The following CBFA2T2 variants were observed in gnomAD, a reference collection of about 807,000 sequenced individuals.
CBFA2T2 encodes the protein protein CBFA2T2.
A neutral mutation model predicts 62.2 loss-of-function variants in CBFA2T2; 11 were observed. The ratio of observed to expected loss-of-function variants is 0.18; its 90% CI spans 0.11 to 0.29. The LOEUF (loss-of-function observed/expected upper bound fraction) is 0.29. Among genes scored for constraint, CBFA2T2 ranks in the 10% least tolerant of loss-of-function variants. The pLI, the probability that CBFA2T2 is intolerant of heterozygous loss-of-function variation, is 1.00. For synonymous variants in CBFA2T2, 295 were observed against 287.5 expected (o/e 1.03, Z -0.27); for missense variants, 592 against 774.1 (o/e 0.76, Z 2.79).
At chr20:33,550,914 C>T (rs776475976) in intron 1 of CBFA2T2, among the ~76,000 whole-genome samples, 2 of 152,096 alleles carry the variant, frequency 1.3e-5, no homozygotes, top group East Asian at 1.9e-4. Flanking sequence ...TGAGCCACCA[C>T]GCTTGGCCTT....
intron 6 of CBFA2T2, among the ~76,000 whole-genome samples, chr20:33,628,022 T>C (rs1047833156): frequency 3.9e-5 from 6 of 152,260 alleles, no homozygotes; most frequent in Admixed American, 6.5e-5. Context: ...CACATCCTTG[T>C]CAACACTTAG....
rs150915600 is a variant in CBFA2T2 at position 33,606,847 on chromosome 20, C to T, written c.35-109C>T. 9.8e-5 allele frequency: 98 copies of T among 998,538 alleles called. No individual in the cohort carries two copies. The African/African-American group carries it at 1.3e-3, about 13-fold the overall frequency. The allele number at this position is 998,538 out of a possible 1,614,324, so 61.9% of individuals were successfully genotyped here. On this transcript the variant is annotated intron_variant, in intron 1 of 10. Coordinates refer to ENST00000342704, the MANE Select transcript of CBFA2T2 (RefSeq NM_001032999.3). The stretch of plus-strand genomic sequence containing the variant: ...TATCTTTTAGGGGGTCACTATTCAG[C>T]CTATTATACCAAGCAGTCCTCTAGG...
chr20:33,621,902 T>C (rs1241351460), intron 4 of CBFA2T2, among the ~76,000 whole-genome samples: 1 of 152,238 alleles, frequency 6.6e-6, no homozygotes. Context: ...GAAACAGCTG[T>C]GCTGGTTCTA....
intron 1 of CBFA2T2, among the ~76,000 whole-genome samples, chr20:33,544,429 A>G (rs1446849078): frequency 6.6e-6 from 1 of 152,028 alleles, no homozygotes; most frequent in African/African-American, 2.4e-5. Flanking sequence ...TTACCAGCTT[A>G]TTACCTTCTG....
intron 1 of CBFA2T2, among the ~76,000 whole-genome samples, chr20:33,493,078 T>TG: frequency 7.0e-6 from 1 of 143,720 alleles, no homozygotes; most frequent in Admixed American, 6.9e-5. Context: ...GTTTTTTTTT[T>TG]TTTTTTTTTT....
intron 1 of CBFA2T2, among the ~76,000 whole-genome samples, chr20:33,603,540 AAC>A (rs1285637227): frequency 6.6e-6 from 1 of 152,230 alleles, no homozygotes; most frequent in Non-Finnish European, 1.5e-5. Flanking sequence ...GAATAATCAA[AAC>A]ACAAACTCAT....
intron 1 of CBFA2T2, among the ~76,000 whole-genome samples, chr20:33,596,551 T>A (rs2014899203): frequency 6.6e-6 from 1 of 152,214 alleles, no homozygotes; most frequent in Non-Finnish European, 1.5e-5. Flanking sequence ...TCCTTGGCTT[T>A]TCTTTTTCAG....
chr20:33,628,470 T>C, intron 7 of CBFA2T2, 35 bp downstream of exon 7: 1 of 1,440,578 alleles, frequency 6.9e-7, no homozygotes, highest in Non-Finnish European at 9.8e-7. Context: ...TCCCTAACTC[T>C]TTATTACTTT....
At chr20:33,528,146 A>G (rs1391102504) in intron 1 of CBFA2T2, among the ~76,000 whole-genome samples, 1 of 152,178 alleles carries the variant, frequency 6.6e-6, no homozygotes, top group African/African-American at 2.4e-5. Flanking sequence ...CTGGGATTAC[A>G]GGCTCTTGCC....
intron 1 of CBFA2T2, among the ~76,000 whole-genome samples, chr20:33,518,735 G>A (rs1283097090): frequency 6.6e-6 from 1 of 150,860 alleles, no homozygotes; most frequent in Non-Finnish European, 1.5e-5. Flanking sequence ...ACACGCCATT[G>A]CAGTCCAGCC....
chr20:33,548,101 C>G (rs889468819), intron 1 of CBFA2T2, among the ~76,000 whole-genome samples: 3 of 151,518 alleles, frequency 2.0e-5, no homozygotes, highest in African/African-American at 4.8e-5. Context: ...AGAAATAATT[C>G]CAGTATATAA....
chr20:33,557,178 CT>C (rs1300865605), intron 1 of CBFA2T2, among the ~76,000 whole-genome samples: 1 of 151,900 alleles, frequency 6.6e-6, no homozygotes, highest in Non-Finnish European at 1.5e-5. Context: ...CCACGCCTGG[CT>C]AATTTTTGTA....
chr20:33,520,822 C>T (rs780659064), intron 1 of CBFA2T2, among the ~76,000 whole-genome samples: 11 of 151,842 alleles, frequency 7.2e-5, no homozygotes, highest in Non-Finnish European at 4.4e-5. Context: ...CAAACTAACT[C>T]GTGGACTATG....
chr20:33,613,139 C>G (rs897237304), intron 3 of CBFA2T2, among the ~76,000 whole-genome samples: 10 of 152,170 alleles, frequency 6.6e-5, no homozygotes, highest in Non-Finnish European at 1.3e-4. Flanking sequence ...AGGCAAAATG[C>G]AATATATGAC....
intron 1 of CBFA2T2, among the ~76,000 whole-genome samples, chr20:33,501,679 C>T (rs148263138): frequency 0.028 from 2,766 of 99,752 alleles, 96 homozygotes; most frequent in African/African-American, 0.097. Context: ...CTCACTTTGT[C>T]GCCAGGCTGG....
chr20:33,536,444 C>T (rs1325030373), intron 1 of CBFA2T2, among the ~76,000 whole-genome samples: 2 of 149,682 alleles, frequency 1.3e-5, no homozygotes, highest in East Asian at 2.0e-4. Flanking sequence ...CCCCACCTCC[C>T]TCCCGGACGG....
At chr20:33,526,808 A>T (rs1045583441) in intron 1 of CBFA2T2, among the ~76,000 whole-genome samples, 2 of 152,172 alleles carry the variant, frequency 1.3e-5, no homozygotes, top group African/African-American at 4.8e-5. Context: ...TATGAAGACA[A>T]CTCTGAGAGG....
At chr20:33,551,071 A>G (rs2012728346) in intron 1 of CBFA2T2, among the ~76,000 whole-genome samples, 1 of 152,176 alleles carries the variant, frequency 6.6e-6, no homozygotes, top group South Asian at 2.1e-4. Context: ...TGAAGAGCTC[A>G]TTCGACGGAA....
chr20:33,502,123 TTTG>T (rs780171702), intron 1 of CBFA2T2, among the ~76,000 whole-genome samples: 3 of 152,084 alleles, frequency 2.0e-5, no homozygotes, highest in East Asian at 1.9e-4. Flanking sequence ...TCAGCTAATT[TTTG>T]TTGTTGTTTC....
Sources: allele counts gnomAD v4.1 joint callset (sites outside exome capture counted in the v4.1 genomes callset), GRCh38; gene constraint gnomAD v4.1.1; transcripts MANE v1.5; gene names NCBI Gene and HGNC (gene_info 2026-07-23, HGNC 2026-07-21).